The following ZNF415 variants were observed in gnomAD, a reference collection of about 807,000 sequenced individuals.
ZNF415 encodes the protein zinc finger protein 415.
In ZNF415, 5 loss-of-function variants were observed where a neutral mutation model predicts 7.3. That is an observed-to-expected ratio of 0.69 (90% CI 0.36 to 1.44). The LOEUF is 1.44. Ranked by LOEUF, ZNF415 falls within the 40% of genes most tolerant of loss-of-function variation. The probability of loss-of-function intolerance (pLI) is 0.04; values close to 1 mark genes in which losing one functional copy is unlikely to be tolerated. For missense variants in ZNF415, 628 were observed against 664.8 expected, an observed-to-expected ratio of 0.94 and a Z score of 0.61; for synonymous variants, 207 against 226.3, an observed-to-expected ratio of 0.91 and a Z score of 0.77.
chr19:53,111,184 T>C (rs1230512601), intron 3 of ZNF415, among the ~76,000 whole-genome samples: 1 of 152,018 alleles, frequency 6.6e-6, no homozygotes, highest in Admixed American at 6.6e-5. Flanking sequence ...GGACAAAACA[T>C]AAGAGCTTGT....
rs1027660151 is a variant in ZNF415 at position 53,116,600 on chromosome 19, GT to G, written c.16-168del. 1.2e-4 allele frequency among the ~76,000 whole-genome samples: 15 copies of G among 130,058 alleles called. No homozygotes were observed. In the South Asian group the frequency reaches 2.3e-3, roughly 20 times the overall value. 85.3% of individuals were successfully genotyped at this position (130,058 alleles called of 152,430 possible). ...GAGTACATATCTCTCCCTAATTGTG[GT>G]TTTTTTTCTCTCTTTTTTTTTTTTT... On this transcript the variant is annotated intron_variant, in intron 2 of 3. Transcript: ENST00000243643.
At position 53,116,219 on chromosome 19, in the gene ZNF415, A is replaced by T. The variant is rs2086995324; in HGVS notation, c.136+94T>A. ...TCAGAGTCAACAAGGCCTCAAACTC[A>T]GTCAGGTAATGCAGGGGCTCCCAAG... On this transcript the variant is annotated intron_variant, in intron 3 of 3. Coordinates refer to ENST00000243643, the MANE Select transcript of ZNF415 (RefSeq NM_018355.4). 1.7e-5 allele frequency: 24 copies of T among 1,415,602 alleles called. No homozygotes were observed. In the East Asian group the frequency reaches 5.5e-4, roughly 32 times the overall value. 87.7% of individuals were successfully genotyped at this position (1,415,602 alleles called of 1,614,324 possible). A position where few individuals can be genotyped will look rare whatever the true frequency, so the allele number is the denominator to read the frequency against.
At chr19:53,119,387 G>C (rs1211797554) in intron 2 of ZNF415, among the ~76,000 whole-genome samples, 2 of 139,364 alleles carry the variant, frequency 1.4e-5, no homozygotes, top group Non-Finnish European at 3.1e-5. Context: ...GGAGGTTGCA[G>C]TGAGCCAAGA....
chr19:53,109,158 C>G lies in ZNF415; in HGVS notation c.887G>C (p.Gly296Ala). Residue 296 changes from glycine (G) to alanine (A), a missense_variant, in exon 4 of 4, where the codon GGA becomes GCA. By Grantham distance (60) the Gly-to-Ala change is moderately conservative. Transcript: ENST00000243643. ...CTCATAACATTTGTAAGGTTTCTCT[C>G]CAGTGTGAACTCTCCGATGTAGTGC... ...CLALHRRVHT[G>A]EKPYKCYECD... 1.2e-6 allele frequency: 2 copies of G among 1,614,094 alleles called. No individual in the cohort carries two copies. Among genetic ancestry groups the G allele is most frequent in the Non-Finnish European group, 1.7e-6 (2 of 1,180,010 alleles).
At chr19:53,121,426 G>A (rs1035734254) in intron 2 of ZNF415, among the ~76,000 whole-genome samples, 6 of 149,850 alleles carry the variant, frequency 4.0e-5, no homozygotes, top group Non-Finnish European at 8.9e-5. Flanking sequence ...CTTTATTTTT[G>A]TCGTTGTTGT....
intron 3 of ZNF415, chr19:53,115,734 C>G (rs779681945): frequency 1.2e-5 from 19 of 1,550,420 alleles, no homozygotes; most frequent in Non-Finnish European, 1.6e-5. Flanking sequence ...CATTCCCACC[C>G]TTTTGGTTTT....
intron 3 of ZNF415, chr19:53,115,879 T>C (rs1476783823): frequency 1.6e-6 from 2 of 1,265,640 alleles, no homozygotes; most frequent in Non-Finnish European, 2.2e-6. Flanking sequence ...TTTTCAAGAA[T>C]CTCAGCCCTT....
intron 1 of ZNF415, among the ~76,000 whole-genome samples, chr19:53,127,875 C>CAAAAA (rs35037197): frequency 1.6e-5 from 2 of 126,322 alleles, no homozygotes; most frequent in Non-Finnish European, 3.3e-5. Flanking sequence ...GACACCGTCT[C>CAAAAA]AAAAAAAAAA....
chr19:53,114,587 C>T (rs2086722139), intron 3 of ZNF415, among the ~76,000 whole-genome samples: 1 of 152,186 alleles, frequency 6.6e-6, no homozygotes, highest in Non-Finnish European at 1.5e-5. Flanking sequence ...AAAAATACAA[C>T]ATATGAGGCT....
chr19:53,132,516 T>C (rs1476371451), intron 1 of ZNF415, among the ~76,000 whole-genome samples: 3 of 152,266 alleles, frequency 2.0e-5, no homozygotes, highest in Admixed American at 6.5e-5. Context: ...GGACTGCGGC[T>C]GCAGCTGCGG....
chr19:53,119,008 C>T (rs569423884), intron 2 of ZNF415, among the ~76,000 whole-genome samples: 27 of 151,534 alleles, frequency 1.8e-4, no homozygotes, highest in African/African-American at 5.8e-4. Flanking sequence ...AGGCCGGGCG[C>T]AGTGGCTCAC....
chr19:53,117,234 G>A (rs2087203086), intron 2 of ZNF415, among the ~76,000 whole-genome samples: 1 of 152,134 alleles, frequency 6.6e-6, no homozygotes, highest in African/African-American at 2.4e-5. Flanking sequence ...CTGAGGTTGG[G>A]AGGTCGAGAC....
chr19:53,110,015 G>T, intron 3 of ZNF415, 107 bp from the exon 4 acceptor site: 2 of 839,448 alleles, frequency 2.4e-6, no homozygotes, highest in Non-Finnish European at 3.5e-6. Flanking sequence ...ATACAACAGA[G>T]TTATAAAACT....
Position 53,109,359 on chromosome 19 carries a change from G to C in ZNF415, c.686C>G (p.Ser229Ter), listed in dbSNP as rs1412542245. ...ACTTACCTGACGTACAGTCATGTGT[G>C]AGCCATGATTCAAGGCTTTGTCGCA... The part of the protein sequence containing the change: ...IECDKALNHG[S>*]HMTVRQVSHS... The change falls in exon 4 of 4, where the codon TCA becomes TGA. Residue 229 changes from serine to a stop codon, truncating the protein, a stop_gained. Transcript: ENST00000243643. LOFTEE classifies it low-confidence loss of function (END_TRUNC). 1.2e-6 allele frequency: 2 copies of C among 1,614,132 alleles called. No homozygotes were observed. The highest frequency in any genetic ancestry group is 1.7e-5 in the Admixed American group (1 of 60,012).
chr19:53,115,275 C>T, intron 3 of ZNF415: 1 of 171,650 alleles, frequency 5.8e-6, no homozygotes, highest in Non-Finnish European at 1.3e-5. Flanking sequence ...GCGAAGGTTG[C>T]AGTGAGCCGA....
chr19:53,109,416 C>A lies in ZNF415; in HGVS notation c.629G>T (p.Cys210Phe). The change falls in exon 4 of 4, where the codon TGC becomes TTC. Residue 210 changes from cysteine (C) to phenylalanine (F), a missense_variant. Transcript: ENST00000243643. ...ATATCTGTAAGGTTTTTCCCTAATG[C>A]ATGATTTCTGTTCTTGTGTGAGTAA... ...SSLLTQEQKS[C>F]IREKPYRYIE... 1 of 1,614,134 alleles carries A rather than the reference C, an allele frequency of 6.2e-7. No homozygotes were observed.
chr19:53,126,188 G>T (rs1009192644), intron 1 of ZNF415, among the ~76,000 whole-genome samples: 11 of 151,482 alleles, frequency 7.3e-5, no homozygotes, highest in Non-Finnish European at 1.5e-4. Context: ...AGTGAGAAGG[G>T]ACCTGAGCAG....
rs2085746643 is a variant in ZNF415 at position 53,108,708 on chromosome 19, CCA to C, written c.1335_1336del (p.Cys445TrpfsTer5). 1 of 1,614,160 alleles carries C rather than the reference CCA, an allele frequency of 6.2e-7. No homozygotes were observed. Among genetic ancestry groups the C allele is most frequent in the East Asian group, 2.2e-5 (1 of 44,878 alleles). On this transcript the variant is annotated frameshift_variant, in exon 4 of 4. Transcript: ENST00000243643. LOFTEE classifies it low-confidence loss of function (END_TRUNC). ...GTTCGAATGCACACTAAAGGCTTTC[CCA>C]CACTCATTACACTTGTAAGGTTTCT...
rs113355722 is a variant in ZNF415 at position 53,116,842 on chromosome 19, G to A, written c.16-409C>T. On this transcript the variant is annotated intron_variant, in intron 2 of 3. Coordinates refer to ENST00000243643, the MANE Select transcript of ZNF415 (RefSeq NM_018355.4). Reference sequence around the variant, plus strand: ...AAAAAATTTCAGAACTTGAAGACAGGTCTTTTGAAATAAACGAGTCAGACA... The same window carrying A: ...AAAAAATTTCAGAACTTGAAGACAGATCTTTTGAAATAAACGAGTCAGACA... 3.0e-3 allele frequency among the ~76,000 whole-genome samples: 457 copies of A among 152,018 alleles called. 3 individuals carry two copies. The highest frequency in any genetic ancestry group is 0.01 in the African/African-American group (433 of 41,488).
Sources: allele counts gnomAD v4.1 joint callset (sites outside exome capture counted in the v4.1 genomes callset), GRCh38; gene constraint gnomAD v4.1.1; transcripts MANE v1.5; gene names NCBI Gene and HGNC (gene_info 2026-07-23, HGNC 2026-07-21).